Variants in USF1 observed in about 807,000 individuals in gnomAD.
USF1 encodes upstream stimulatory factor 1.
In USF1, 22 loss-of-function variants were observed where a neutral mutation model predicts 46.3. The ratio of observed to expected loss-of-function variants is 0.47; its 90% CI spans 0.34 to 0.68. The LOEUF (loss-of-function observed/expected upper bound fraction) is 0.68, where lower values mean the gene tolerates loss of function less well. Ranked by LOEUF, USF1 falls within the 30% of genes least tolerant of loss-of-function variation. The probability of loss-of-function intolerance (pLI) is 0.01; values close to 1 mark genes in which losing one functional copy is unlikely to be tolerated. For missense variants in USF1, 287 were observed against 399.3 expected (o/e 0.72, Z 2.40); for synonymous variants, 150 against 147.0 (o/e 1.02, Z -0.15).
intron 2 of USF1, 134 bp from the exon 3 acceptor site, chr1:161,043,016 G>A: frequency 1.5e-6 from 2 of 1,295,318 alleles, no homozygotes; most frequent in Admixed American, 3.5e-5. Context: ...AACAACTAGT[G>A]TTTACTGTTT....
intron 7 of USF1, 118 bp downstream of exon 7, chr1:161,041,206 G>A (rs1026695533): frequency 8.0e-6 from 7 of 878,472 alleles, no homozygotes; most frequent in Non-Finnish European, 1.2e-5. Context: ...AGGTTGCAGT[G>A]AGCTGAGATC....
Position 161,040,389 on chromosome 1 carries a change from A to C in USF1, c.715-59T>G. 1 of 1,607,086 alleles carries C rather than the reference A, an allele frequency of 6.2e-7. No individual in the cohort carries two copies. The highest frequency in any genetic ancestry group is 8.5e-7 in the Non-Finnish European group (1 of 1,175,348). ...ATTTCAGATACCCAGCTTGCTTTCC[A>C]AAAGTAGGTTCACACTTTGGACCTC... On this transcript the variant is annotated intron_variant, in intron 9 of 10. Transcript: ENST00000368021. This position sits in a 1 kb window ranked among gnomAD's most constrained non-coding sequence, Gnocchi z 4.0.
chr1:161,043,322 T>A lies in USF1; in HGVS notation c.-47A>T, dbSNP rs187388292. ...CGAGGAACTGGTCCTTTTTTGGAGG[T>A]CTTTGTATCTCCTGATTCACAGGCC... On this transcript the variant is annotated 5_prime_UTR_variant, in exon 2 of 11. Transcript: ENST00000368021. The A allele has an allele frequency of 2.4e-5, 39 of 1,614,040 alleles. No homozygotes were observed. The highest frequency in any genetic ancestry group is 1.7e-5 in the Admixed American group (1 of 59,996).
chr1:161,039,886 A>C lies in USF1; in HGVS notation c.*34T>G, dbSNP rs764083243. The C allele has an allele frequency of 6.2e-7, 1 of 1,609,768 alleles. No homozygotes were observed. The highest frequency in any genetic ancestry group is 8.5e-7 in the Non-Finnish European group (1 of 1,176,428). On this transcript the variant is annotated 3_prime_UTR_variant, in exon 11 of 11. Coordinates refer to ENST00000368021, the MANE Select transcript of USF1 (RefSeq NM_007122.5). ...AGGCTGTTGCTCCTGGGCTATCTGC[A>C]GTTCTTGGGCCCAAAGCCCCTGAAT... is the stretch of plus-strand genomic sequence containing the variant.
At chr1:161,043,516 C>G (rs1228776495) in intron 1 of USF1, among the ~76,000 whole-genome samples, 156 bp from the exon 2 acceptor site, 2 of 152,002 alleles carry the variant, frequency 1.3e-5, no homozygotes, top group African/African-American at 4.8e-5. Context: ...GACTGGCCTA[C>G]AGTGATTGAA....
rs767480001 is a variant in USF1 at position 161,042,591 on chromosome 1, G to A, written c.138C>T (p.Asn46=). ...TCTCAGTTCGGAAGACGTACTTGAC[G>A]TTGGGGTCAGGGAAGGTGGCAGCTG... The part of the protein sequence containing the change: ...IQSAATFPDP[N]VKYVFRTENG... Residue 46 remains asparagine (N), a synonymous_variant, in exon 4 of 11, where the codon AAC becomes AAT. Transcript: ENST00000368021. 4 of 1,614,202 alleles carry A rather than the reference G, an allele frequency of 2.5e-6. No individual in the cohort carries two copies. Among genetic ancestry groups the A allele is most frequent in the East Asian group, 2.2e-5 (1 of 44,896 alleles).
At position 161,041,350 on chromosome 1, in the gene USF1, A is replaced by G. The variant is rs1650552556; in HGVS notation, c.534T>C (p.Ile178=). 1 of 1,613,190 alleles carries G rather than the reference A, an allele frequency of 6.2e-7. No individual in the cohort carries two copies. Among genetic ancestry groups the G allele is most frequent in the South Asian group, 1.1e-5 (1 of 91,056 alleles). Residue 178 remains isoleucine (I), a synonymous_variant, in exon 7 of 11, where the codon ATT becomes ATC. Coordinates refer to ENST00000368021, the MANE Select transcript of USF1 (RefSeq NM_007122.5). ...GGGAATAAGGGTGAGTCCTAGGGGC[A>G]ATTGAGCGCTGGCTTCCTCCCTGCA... ...EVLQGGSQRS[I]APRTHPYSPK...
In USF1 at chr1:161,039,967, A is replaced by C; in HGVS notation, c.886T>G (p.Leu296Val). ...KNKNLLLRAQLRHHGLEVVIK... is the reference protein window; with the variant it reads ...KNKNLLLRAQVRHHGLEVVIK... Reference sequence around the variant, plus strand: ...ACGACCTCTAATCCGTGGTGCCGCAACTGAGCTCGAAGCAGCAGATTCTTG... The same window carrying C: ...ACGACCTCTAATCCGTGGTGCCGCACCTGAGCTCGAAGCAGCAGATTCTTG... The change falls in exon 11 of 11, where the codon TTG becomes GTG. Residue 296 changes from leucine to valine, a missense_variant. By Grantham distance (32) the Leu-to-Val change is conservative. Transcript: ENST00000368021. The C allele has an allele frequency of 6.2e-7, 1 of 1,614,198 alleles. No homozygotes were observed.
Position 161,039,758 on chromosome 1 carries a change from T to C in USF1, c.*162A>G. 1.4e-6 allele frequency: 1 copy of C among 699,660 alleles called. No homozygotes were observed. 43.3% of individuals were successfully genotyped at this position (699,660 alleles called of 1,614,324 possible). ...GTCCACATTGTGTGTTTCACACCAC[T>C]GCAGGCCGCCATATCACAGGGCCTC... On this transcript the variant is annotated 3_prime_UTR_variant, in exon 11 of 11. Coordinates refer to ENST00000368021, the MANE Select transcript of USF1 (RefSeq NM_007122.5).
At chr1:161,043,036 A>T (rs75849409) in intron 2 of USF1, among the ~76,000 whole-genome samples, 154 bp from the exon 3 acceptor site, 244 of 152,378 alleles carry the variant, frequency 1.6e-3, no homozygotes, top group African/African-American at 5.3e-3. Flanking sequence ...TACTATGTAC[A>T]TAAGCACTAA....
In USF1 at chr1:161,042,661, G is replaced by A; in HGVS notation, c.68C>T (p.Ala23Val). Residue 23 changes from alanine to valine, a missense_variant, in exon 4 of 11, where the codon GCT (alanine) becomes GTT (valine). Ala to Val is a moderately conservative substitution (Grantham distance 64). Coordinates refer to ENST00000368021, the MANE Select transcript of USF1 (RefSeq NM_007122.5). ...CACACTGGTTGGGTCTTCCCCAGTA[G>A]CCACTGCACCTGAATTAAAAGAACA... ...GTVQIQEGAV[A>V]TGEDPTSVAI... 6.2e-7 allele frequency: 1 copy of A among 1,614,204 alleles called. No individual in the cohort carries two copies. Among genetic ancestry groups the A allele is most frequent in the Non-Finnish European group, 8.5e-7 (1 of 1,180,042 alleles).
In USF1 at chr1:161,042,596, G is replaced by A. The variant is rs755706110; in HGVS notation, c.133C>T (p.Pro45Ser). ...SIQSAATFPDPNVKYVFRTEN... is the reference protein window; with the variant it reads ...SIQSAATFPDSNVKYVFRTEN... ...GTTCGGAAGACGTACTTGACGTTGG[G>A]GTCAGGGAAGGTGGCAGCTGACTGG... is the stretch of plus-strand genomic sequence containing the variant. The change falls in exon 4 of 11, where the codon CCC (proline) becomes TCC (serine). Residue 45 changes from proline (P) to serine (S), a missense_variant. Transcript: ENST00000368021. The A allele has an allele frequency of 6.2e-7, 1 of 1,614,204 alleles. No homozygotes were observed. Among genetic ancestry groups the A allele is most frequent in the Admixed American group, 1.7e-5 (1 of 60,018 alleles).
chr1:161,042,050 C>T, intron 5 of USF1, 66 bp downstream of exon 5: 3 of 1,523,104 alleles, frequency 2.0e-6, no homozygotes, highest in Non-Finnish European at 1.8e-6. Flanking sequence ...CACCCCCATC[C>T]TACTGATTCC....
Position 161,039,850 on chromosome 1 carries a change from G to C in USF1, c.*70C>G, listed in dbSNP as rs1376527852. The C allele has an allele frequency of 6.5e-7, 1 of 1,528,130 alleles. No homozygotes were observed. The highest frequency in any genetic ancestry group is 1.4e-5 in the African/African-American group (1 of 72,942). The allele number at this position is 1,528,130 out of a possible 1,614,324, so 94.7% of individuals were successfully genotyped here. A position where few individuals can be genotyped will look rare whatever the true frequency, so the allele number is the denominator to read the frequency against. On this transcript the variant is annotated 3_prime_UTR_variant, in exon 11 of 11. Transcript: ENST00000368021. ...CAGAAGTGGGGCAGTGAAGGAAAGG[G>C]GCACGGGATTAGGCTGTTGCTCCTG...
At position 161,043,254 on chromosome 1, in the gene USF1, T is replaced by A; in HGVS notation, c.8+14A>T. On this transcript the variant is annotated intron_variant, in intron 2 of 10. Transcript: ENST00000368021. Reference sequence around the variant, plus strand: ...CCCATCTTTCATCCCAGACCCTACCTCTTCTTCACTCACCCCTTCATCTCT... The same window carrying A: ...CCCATCTTTCATCCCAGACCCTACCACTTCTTCACTCACCCCTTCATCTCT... 2 of 1,614,140 alleles carry A rather than the reference T, an allele frequency of 1.2e-6. No individual in the cohort carries two copies. The highest frequency in any genetic ancestry group is 1.7e-6 in the Non-Finnish European group (2 of 1,179,998).
At chr1:161,045,134 G>C (rs557867731) in intron 1 of USF1, among the ~76,000 whole-genome samples, 4 of 152,340 alleles carry the variant, frequency 2.6e-5, no homozygotes, top group African/African-American at 9.6e-5. Flanking sequence ...GCTGACTGCA[G>C]GGGAAGGCAA....
chr1:161,041,944 G>T, intron 5 of USF1, 98 bp from the exon 6 acceptor site: 2 of 1,371,466 alleles, frequency 1.5e-6, no homozygotes, highest in Non-Finnish European at 2.0e-6. Flanking sequence ...GGTAGGTAGG[G>T]TGGAGAGAGA....
At chr1:161,044,015 G>A (rs559042862) in intron 1 of USF1, among the ~76,000 whole-genome samples, 10 of 134,750 alleles carry the variant, frequency 7.4e-5, no homozygotes, top group Admixed American at 1.6e-4. Context: ...GCACAATCTC[G>A]GCTTACAACC....
rs1039004628 is a variant in USF1 at position 161,043,749 on chromosome 1, G to A, written c.-85-389C>T. On this transcript the variant is annotated intron_variant, in intron 1 of 10. Coordinates refer to ENST00000368021, the MANE Select transcript of USF1 (RefSeq NM_007122.5). ...AGTGATTCTCCTGCCTCAGCCTCCG[G>A]AGTAGCTGGGATTACAGGTGCACAC... 2.0e-5 allele frequency among the ~76,000 whole-genome samples: 3 copies of A among 149,860 alleles called. No homozygotes were observed. In the Admixed American group the frequency reaches 2.0e-4, roughly 10 times the overall value.
Sources: gnomAD v4.1 joint callset for allele counts (sites outside exome capture counted in the v4.1 genomes callset) on GRCh38, gnomAD v4.1.1 for gene constraint, Gnocchi (gnomAD v3.1) non-coding constraint, MANE v1.5 for transcripts, NCBI Gene and HGNC (gene_info 2026-07-23, HGNC 2026-07-21) for gene names.